MCU: variants seen among roughly 807,000 people sequenced by gnomAD.
MCU encodes mitochondrial calcium uniporter.
In MCU, 12 loss-of-function variants were observed where a neutral mutation model predicts 45.2. That is an observed-to-expected ratio of 0.27 (90% CI 0.17 to 0.43). The LOEUF (loss-of-function observed/expected upper bound fraction) is 0.43. MCU is among the 20% of genes least tolerant of loss of function. The probability of loss-of-function intolerance (pLI) is 1.00; values close to 1 mark genes in which losing one functional copy is unlikely to be tolerated. For missense variants in MCU, 324 were observed against 436.7 expected, an observed-to-expected ratio of 0.74 and a Z score of 2.30; for synonymous variants, 160 against 165.1, an observed-to-expected ratio of 0.97 and a Z score of 0.24.
At chr10:72,739,757 A>C (rs1843300344) in intron 1 of MCU, among the ~76,000 whole-genome samples, 1 of 151,216 alleles carries the variant, frequency 6.6e-6, no homozygotes, top group Admixed American at 6.6e-5. Context: ...GCTCACTGCA[A>C]CCTCCGCCTC....
chr10:72,793,145 G>A (rs917224924), intron 1 of MCU, among the ~76,000 whole-genome samples: 16 of 152,100 alleles, frequency 1.1e-4, no homozygotes, highest in Non-Finnish European at 1.8e-4. Context: ...CCAAAGTGCT[G>A]GGATTACAGG....
intron 1 of MCU, among the ~76,000 whole-genome samples, chr10:72,694,973 T>A (rs962876413): frequency 6.6e-6 from 1 of 152,212 alleles, no homozygotes; most frequent in Admixed American, 6.5e-5. Flanking sequence ...TTCAATATTT[T>A]TAGCACCATC....
chr10:72,695,202 G>A (rs1842670796), intron 1 of MCU, among the ~76,000 whole-genome samples: 1 of 152,144 alleles, frequency 6.6e-6, no homozygotes, highest in Admixed American at 6.5e-5. Flanking sequence ...GCATTTTCTA[G>A]CAGTTAACGG....
At chr10:72,870,760 T>G (rs1460815283) in intron 5 of MCU, among the ~76,000 whole-genome samples, 1 of 152,150 alleles carries the variant, frequency 6.6e-6, no homozygotes, top group Non-Finnish European at 1.5e-5. Flanking sequence ...TGAAAGAATA[T>G]AGGTAGGTGT....
chr10:72,870,301 C>T (rs1032998880), intron 5 of MCU, among the ~76,000 whole-genome samples: 19 of 151,922 alleles, frequency 1.3e-4, no homozygotes, highest in African/African-American at 2.9e-4. Context: ...TTTTTTGAGA[C>T]GGAGTCTCAC....
intron 1 of MCU, among the ~76,000 whole-genome samples, chr10:72,694,994 T>G (rs1464411772): frequency 6.6e-6 from 1 of 152,224 alleles, no homozygotes; most frequent in African/African-American, 2.4e-5. Flanking sequence ...TAGTGTAATT[T>G]TTTTCCTTCT....
At chr10:72,736,553 A>G (rs1843254315) in intron 1 of MCU, 1 of 152,188 alleles carries the variant, frequency 6.6e-6, no homozygotes, top group Non-Finnish European at 1.5e-5. Flanking sequence ...AAGGATTATG[A>G]CCAACACTTG....
At chr10:72,869,601 A>G (rs995984835) in intron 5 of MCU, among the ~76,000 whole-genome samples, 4 of 152,192 alleles carry the variant, frequency 2.6e-5, no homozygotes, top group Admixed American at 1.3e-4. Context: ...CAAACAAACA[A>G]AAAAACAACA....
intron 2 of MCU, among the ~76,000 whole-genome samples, chr10:72,839,242 A>G (rs1412815228): frequency 1.3e-5 from 2 of 152,160 alleles, no homozygotes; most frequent in Non-Finnish European, 2.9e-5. Context: ...CACCCACCTC[A>G]GTCTCACAAA....
At chr10:72,845,029 A>C (rs1490757759) in intron 2 of MCU, among the ~76,000 whole-genome samples, 3 of 152,210 alleles carry the variant, frequency 2.0e-5, no homozygotes, top group Admixed American at 2.0e-4. Context: ...ACAAGGGGGC[A>C]TGTGGTACCT....
chr10:72,767,415 A>G (rs1843743850), intron 1 of MCU, among the ~76,000 whole-genome samples: 1 of 152,184 alleles, frequency 6.6e-6, no homozygotes, highest in Admixed American at 6.5e-5. Flanking sequence ...TGTGAGGAGA[A>G]TGAAAATATT....
intron 1 of MCU, among the ~76,000 whole-genome samples, chr10:72,705,055 G>T (rs1842803029): frequency 6.6e-6 from 1 of 151,794 alleles, no homozygotes; most frequent in African/African-American, 2.4e-5. Context: ...AGAGGTGAGG[G>T]TCTTGCTATG....
At chr10:72,805,159 CTGT>C (rs1844423307) in intron 1 of MCU, among the ~76,000 whole-genome samples, 1 of 137,934 alleles carries the variant, frequency 7.2e-6, no homozygotes, top group African/African-American at 3.1e-5. Flanking sequence ...TTCTTTCTTT[CTGT>C]CTCTCTCTCT....
chr10:72,805,632 T>C (rs1319537817), intron 1 of MCU, among the ~76,000 whole-genome samples: 1 of 151,972 alleles, frequency 6.6e-6, no homozygotes, highest in Non-Finnish European at 1.5e-5. Flanking sequence ...GTTTACCCCC[T>C]TTTTTTCCCC....
chr10:72,786,027 A>G (rs527746314), intron 1 of MCU, among the ~76,000 whole-genome samples: 1 of 152,350 alleles, frequency 6.6e-6, no homozygotes, highest in Non-Finnish European at 1.5e-5. Context: ...CTGAACAAGC[A>G]CTGTGTGAAA....
chr10:72,736,147 C>G (rs1843249634), intron 1 of MCU, among the ~76,000 whole-genome samples: 1 of 152,104 alleles, frequency 6.6e-6, no homozygotes, highest in Non-Finnish European at 1.5e-5. Context: ...TTAAAACCCT[C>G]TATTGACAGA....
intron 4 of MCU, among the ~76,000 whole-genome samples, 198 bp from the exon 5 acceptor site, chr10:72,868,505 T>G (rs1260627391): frequency 6.8e-6 from 1 of 147,770 alleles, no homozygotes; most frequent in Non-Finnish European, 1.5e-5. Flanking sequence ...TGAGCCAAGA[T>G]CACACCACTG....
At chr10:72,765,805 A>AAAAG (rs1343909010) in intron 1 of MCU, among the ~76,000 whole-genome samples, 70 of 150,664 alleles carry the variant, frequency 4.6e-4, no homozygotes, top group Non-Finnish European at 8.1e-4. Context: ...AAAAAAAAAA[A>AAAAG]AAAGAAAGAA....
rs748481100 is a variant in MCU at position 72,836,498 on chromosome 10, A to G, written c.220+2070A>G. 5.9e-5 allele frequency among the ~76,000 whole-genome samples: 9 copies of G among 152,166 alleles called. No individual in the cohort carries two copies. In the South Asian group the frequency reaches 6.2e-4, roughly 11 times the overall value. Reference sequence around the variant, plus strand: ...ATGGAGATATTTCAGTAATTTAACAATGGTACAGTTATGTATACCTATATT... The same window carrying G: ...ATGGAGATATTTCAGTAATTTAACAGTGGTACAGTTATGTATACCTATATT... On this transcript the variant is annotated intron_variant, in intron 2 of 7. Transcript: ENST00000373053.
Sources: allele counts gnomAD v4.1 joint callset (sites outside exome capture counted in the v4.1 genomes callset), GRCh38; gene constraint gnomAD v4.1.1; transcripts MANE v1.5; gene names NCBI Gene and HGNC (gene_info 2026-07-23, HGNC 2026-07-21).